The following FAT1 variants were observed in gnomAD, a reference collection of about 807,000 sequenced individuals.
The protein encoded by FAT1 is FAT atypical cadherin 1, also known as protocadherin Fat 1.
FAT1 carries 171 observed loss-of-function variants against 329.8 expected under a neutral mutation model. That is an observed-to-expected ratio of 0.52 (90% CI 0.46 to 0.59). The LOEUF is 0.59. FAT1 is among the 20% of genes least tolerant of loss of function. The pLI, the probability that FAT1 is intolerant of heterozygous loss-of-function variation, is 0.00. For missense variants in FAT1, 5,672 were observed against 5,774.4 expected (o/e 0.98, Z 0.57); for synonymous variants, 2,233 against 2,228.6 (o/e 1.00, Z -0.06).
intron 4 of FAT1, 26 bp downstream of exon 4, chr4:186,639,696 G>A (rs1456699478): frequency 1.4e-6 from 2 of 1,466,468 alleles, no homozygotes. Flanking sequence ...GAATCTTTAA[G>A]TATTAAAGAT....
At chr4:186,700,672 G>A (rs932742821) in intron 2 of FAT1, among the ~76,000 whole-genome samples, 1 of 152,180 alleles carries the variant, frequency 6.6e-6, no homozygotes, top group Non-Finnish European at 1.5e-5. Flanking sequence ...AGAGTAAGAG[G>A]AGTAAAATGC....
rs1190951105 is a variant in FAT1, at chr4:186,709,404, T to C, written c.424A>G (p.Thr142Ala). Reference protein sequence around the residue: ...RTKVRVQVLDTNDLRPLFSPT... With the variant: ...RTKVRVQVLDANDLRPLFSPT... ...GAGAATAACGGTCTCAAGTCATTTGTATCCAGCACCTGCACCCTGACCTTT... is the reference window on the plus strand; with the variant it reads ...GAGAATAACGGTCTCAAGTCATTTGCATCCAGCACCTGCACCCTGACCTTT... The change falls in exon 2 of 27, where the codon ACA becomes GCA. Residue 142 changes from threonine (T) to alanine (A), a missense_variant. Transcript: ENST00000441802. 1.9e-6 allele frequency: 3 copies of C among 1,614,004 alleles called. No homozygotes were observed. Among genetic ancestry groups the C allele is most frequent in the African/African-American group, 2.7e-5 (2 of 75,046 alleles).
intron 9 of FAT1, among the ~76,000 whole-genome samples, chr4:186,625,004 T>C (rs764312167): frequency 7.9e-5 from 12 of 152,220 alleles, no homozygotes; most frequent in African/African-American, 1.2e-4. Context: ...GAATAGGCCA[T>C]TGGTATTATC....
At chr4:186,715,842 T>C (rs1209353176) in intron 1 of FAT1, among the ~76,000 whole-genome samples, 1 of 152,230 alleles carries the variant, frequency 6.6e-6, no homozygotes, top group Non-Finnish European at 1.5e-5. Flanking sequence ...TTAAATATCT[T>C]TAGCATAGAT....
chr4:186,609,266 T>G lies in FAT1; in HGVS notation c.10123A>C (p.Ile3375Leu), dbSNP rs1739282626. 1 of 1,613,972 alleles carries G rather than the reference T, an allele frequency of 6.2e-7. No homozygotes were observed. The highest frequency in any genetic ancestry group is 1.3e-5 in the African/African-American group (1 of 74,954). ...AACGAGCTTCCTTGGTTGCCATCTA[T>G]AATTGAGTAGTGGATGTGGCTGTTG... Reference protein sequence around the residue: ...PSNSHIHYSIIDGNQGSSFTI... With the variant: ...PSNSHIHYSILDGNQGSSFTI... Residue 3375 changes from isoleucine (I) to leucine (L), a missense_variant, in exon 16 of 27, where the codon ATA (isoleucine) becomes CTA (leucine). This residue lies in a region of FAT1 where 1,706 missense variants were observed against 1,859.1 expected (regional missense o/e 0.92). Coordinates refer to ENST00000441802, the MANE Select transcript of FAT1 (RefSeq NM_005245.4).
intron 2 of FAT1, among the ~76,000 whole-genome samples, chr4:186,683,515 C>T (rs2126648341): frequency 6.6e-6 from 1 of 152,330 alleles, no homozygotes; most frequent in Admixed American, 6.5e-5. Context: ...AGCCTTCTTT[C>T]ACCCTCTCAA....
chr4:186,715,569 T>G (rs996415287), intron 1 of FAT1, among the ~76,000 whole-genome samples: 4 of 152,216 alleles, frequency 2.6e-5, no homozygotes, highest in Non-Finnish European at 2.9e-5. Flanking sequence ...GTGGCTCTCA[T>G]GCAAAACAAA....
chr4:186,632,098 G>A (rs1740628227), intron 7 of FAT1, among the ~76,000 whole-genome samples: 1 of 152,182 alleles, frequency 6.6e-6, no homozygotes. Context: ...TATAAAGGAA[G>A]CAATGAAATT....
At chr4:186,660,433 T>C (rs986344880) in intron 3 of FAT1, among the ~76,000 whole-genome samples, 1 of 152,252 alleles carries the variant, frequency 6.6e-6, no homozygotes, top group African/African-American at 2.4e-5. Flanking sequence ...TTAGGTGATC[T>C]GTGGAATGTT....
rs1281094743 is a variant in FAT1, at chr4:186,709,255, T to C, written c.573A>G (p.Arg191=). 1.2e-6 allele frequency: 2 copies of C among 1,614,002 alleles called. No individual in the cohort carries two copies. The highest frequency in any genetic ancestry group is 2.2e-5 in the South Asian group (2 of 91,090). ...NGEFYYSFKD[R]TDMFAIHPTS... is the part of the protein sequence containing the mutation. ...TTGGGTGAATAGCAAACATATCTGT[T>C]CGATCTTTAAAACTGTAGTAAAATT... Residue 191 remains arginine (R), a synonymous_variant, in exon 2 of 27, where the codon CGA becomes CGG. Transcript: ENST00000441802.
rs1232951440 is a variant in FAT1, at chr4:186,609,784, G to C, written c.10068+17C>G. On this transcript the variant is annotated intron_variant, in intron 15 of 26. Coordinates refer to ENST00000441802, the MANE Select transcript of FAT1 (RefSeq NM_005245.4). The stretch of plus-strand genomic sequence containing the variant: ...GAAGATACACAGTTTTCACTGTAAT[G>C]GGGAAAAAATACACACCGTGATGAC... The C allele has an allele frequency of 2.6e-6, 4 of 1,565,426 alleles. No homozygotes were observed. The highest frequency in any genetic ancestry group is 3.5e-6 in the Non-Finnish European group (4 of 1,135,932).
intron 26 of FAT1, among the ~76,000 whole-genome samples, chr4:186,591,777 TA>T (rs1738251144): frequency 6.6e-6 from 1 of 152,168 alleles, no homozygotes; most frequent in Non-Finnish European, 1.5e-5. Flanking sequence ...CTGGAGTATC[TA>T]AGCCTCTTCT....
chr4:186,606,315 G>T, intron 16 of FAT1, 102 bp from the exon 17 acceptor site: 1 of 1,302,068 alleles, frequency 7.7e-7, no homozygotes, highest in Non-Finnish European at 1.1e-6. Flanking sequence ...GTCCCAGTGA[G>T]CTACCACTAT....
In FAT1 at chr4:186,618,377, G is replaced by A. The variant is rs751676426; in HGVS notation, c.8209C>T (p.Leu2737=). Residue 2737 remains leucine (L), a synonymous_variant, in exon 10 of 27, where the codon CTG becomes TTG. Coordinates refer to ENST00000441802, the MANE Select transcript of FAT1 (RefSeq NM_005245.4). ...CTTTCTGGAGTATTCCCTTTGACCAGGCTGTAAAGAACAGTCCCACTATGT... is the reference window on the plus strand; with the variant it reads ...CTTTCTGGAGTATTCCCTTTGACCAAGCTGTAAAGAACAGTCCCACTATGT... The part of the protein sequence containing the change: ...AEHSGTVLYS[L]VKGNTPESNR... The A allele has an allele frequency of 1.9e-6, 3 of 1,613,998 alleles. No individual in the cohort carries two copies. In the Middle Eastern group the frequency reaches 5.0e-4, roughly 266 times the overall value.
At chr4:186,724,711 C>G (rs1745656223), upstream of FAT1, among the ~76,000 whole-genome samples, 1 of 152,220 alleles carries the variant, frequency 6.6e-6, no homozygotes, top group Non-Finnish European at 1.5e-5. The surrounding 1 kb of genome is among the most constrained non-coding windows in gnomAD (Gnocchi z 5.3). Flanking sequence ...GCGGGCAGGG[C>G]TCCAGCCGCA....
Position 186,707,859 on chromosome 4 carries a change from A to G in FAT1, c.1969T>C (p.Leu657=), listed in dbSNP as rs1441909889. The change falls in exon 2 of 27, where the codon TTA becomes CTA. Residue 657 remains leucine (L), a synonymous_variant. Transcript: ENST00000441802. ...ATDGENFATP[L]YINITVAASH... Reference sequence around the variant, plus strand: ...GCAGCCACTGTTATGTTGATATATAATGGTGTGGCAAAATTTTCTCCATCT... The same window carrying G: ...GCAGCCACTGTTATGTTGATATATAGTGGTGTGGCAAAATTTTCTCCATCT... The G allele has an allele frequency of 1.2e-6, 2 of 1,613,898 alleles. No homozygotes were observed. The highest frequency in any genetic ancestry group is 2.2e-5 in the South Asian group (2 of 91,080).
At chr4:186,674,198 A>C (rs1425569707) in intron 2 of FAT1, among the ~76,000 whole-genome samples, 6 of 152,182 alleles carry the variant, frequency 3.9e-5, no homozygotes, top group African/African-American at 1.4e-4. Flanking sequence ...CCCATTTTCC[A>C]TATTCAGAAG....
In FAT1 at chr4:186,605,114, G is replaced by C. The variant is rs117604982; in HGVS notation, c.10351-540C>G. ...GGTGCCTGTAATCTCAGCACTTGGG[G>C]CTGAGGCAGGAGAACTGTTTGAAGC... On this transcript the variant is annotated intron_variant, in intron 17 of 26. Coordinates refer to ENST00000441802, the MANE Select transcript of FAT1 (RefSeq NM_005245.4). Among the ~76,000 whole-genome samples, 45 of 151,850 alleles carry C rather than the reference G, an allele frequency of 3.0e-4. 1 individual carries two copies. The East Asian group carries it at 8.8e-3, about 30-fold the overall frequency.
Position 186,600,136 on chromosome 4 carries a change from G to C in FAT1, c.11865C>G (p.His3955Gln), listed in dbSNP as rs977844865. The change falls in exon 22 of 27, where the codon CAC becomes CAG. Residue 3955 changes from histidine (H) to glutamine (Q), a missense_variant. Physicochemically the swap from His to Gln is conservative, Grantham distance 24. Coordinates refer to ENST00000441802, the MANE Select transcript of FAT1 (RefSeq NM_005245.4). ...NLDNYVFFGG[H>Q]IRQQGTRHGR... ...CATGCCTTGTTCCCTGCTGACGGAT[G>C]TGGCCACCAAAAAACACATAGTTAT... The C allele has an allele frequency of 6.2e-7, 1 of 1,614,048 alleles. No homozygotes were observed. The highest frequency in any genetic ancestry group is 8.5e-7 in the Non-Finnish European group (1 of 1,179,908).
Sources: allele counts gnomAD v4.1 joint callset (sites outside exome capture counted in the v4.1 genomes callset), GRCh38; gene constraint gnomAD v4.1.1; regional missense constraint gnomAD v4.1.1; non-coding constraint Gnocchi (gnomAD v3.1); transcripts MANE v1.5; gene names NCBI Gene and HGNC (gene_info 2026-07-23, HGNC 2026-07-21).